Variants in PTCHD4 observed in about 807,000 individuals in gnomAD.
PTCHD4 encodes patched domain containing 4.
A neutral mutation model predicts 58.1 loss-of-function variants in PTCHD4; 33 were observed. The observed-to-expected ratio is 0.57, with a 90% CI of 0.43 to 0.76. PTCHD4 has a LOEUF of 0.76. Among genes scored for constraint, PTCHD4 ranks in the 30% least tolerant of loss-of-function variants. The probability of loss-of-function intolerance (pLI) is 0.00; values close to 1 mark genes in which losing one functional copy is unlikely to be tolerated. For missense variants in PTCHD4, 1,058 were observed against 1,027.1 expected (o/e 1.03, Z -0.41); for synonymous variants, 478 against 409.6 (o/e 1.17, Z -2.02).
chr6:47,999,786 T>A (rs1768650264), intron 4 of PTCHD4, among the ~76,000 whole-genome samples: 1 of 152,170 alleles, frequency 6.6e-6, no homozygotes, highest in East Asian at 1.9e-4. Context: ...TAGTCACAGA[T>A]AATTAGAACA....
Position 47,879,155 on chromosome 6 carries a change from G to A in PTCHD4, c.1680C>T (p.Val560=). Residue 560 remains valine (V), a synonymous_variant, in exon 5 of 5, where the codon GTC becomes GTT. Transcript: ENST00000339488. The part of the protein sequence containing the change: ...QYYQFLKVSN[V]SANNKSDFIS... The stretch of plus-strand genomic sequence containing the variant: ...TGAAGTCACTTTTGTTATTGGCACT[G>A]ACGTTGCTGACTTTCAGGAACTGGT... The A allele has an allele frequency of 1.2e-6, 2 of 1,611,880 alleles. 1 individual carries two copies. The highest frequency in any genetic ancestry group is 2.2e-5 in the South Asian group (2 of 91,046).
At chr6:48,105,528 C>CA (rs1765699808) in intron 1 of PTCHD4, among the ~76,000 whole-genome samples, 1 of 152,088 alleles carries the variant, frequency 6.6e-6, no homozygotes, top group East Asian at 1.9e-4. Flanking sequence ...CCTAACATCA[C>CA]AATTAAAAGA....
At chr6:47,896,196 TG>T (rs1200919705) in intron 4 of PTCHD4, among the ~76,000 whole-genome samples, 1 of 152,226 alleles carries the variant, frequency 6.6e-6, no homozygotes, top group Non-Finnish European at 1.5e-5. Flanking sequence ...TTTTCTGTAC[TG>T]TAGTGGGTAG....
chr6:48,074,029 G>A (rs548113634), intron 1 of PTCHD4, among the ~76,000 whole-genome samples: 1 of 152,008 alleles, frequency 6.6e-6, no homozygotes, highest in Non-Finnish European at 1.5e-5. Context: ...TTCTGCCACT[G>A]CCATCTCAAG....
intron 3 of PTCHD4, among the ~76,000 whole-genome samples, chr6:48,018,892 T>A (rs183069931): frequency 2.0e-5 from 3 of 152,224 alleles, no homozygotes; most frequent in Non-Finnish European, 2.9e-5. Flanking sequence ...CTATGTATAA[T>A]GTCCCCCTTC....
intron 4 of PTCHD4, among the ~76,000 whole-genome samples, chr6:47,932,741 G>C (rs1043823563): frequency 2.0e-5 from 3 of 152,206 alleles, no homozygotes; most frequent in African/African-American, 7.2e-5. Context: ...CAGTGTGAGG[G>C]TCAGGAGCAC....
intron 4 of PTCHD4, among the ~76,000 whole-genome samples, chr6:48,004,435 G>A (rs989364175): frequency 7.9e-5 from 12 of 152,098 alleles, no homozygotes; most frequent in African/African-American, 2.9e-4. Flanking sequence ...AGCCAGCTTG[G>A]CATCTGTGTG....
chr6:47,936,193 G>T (rs1765993853), intron 4 of PTCHD4, among the ~76,000 whole-genome samples: 1 of 152,154 alleles, frequency 6.6e-6, no homozygotes, highest in Admixed American at 6.6e-5. Flanking sequence ...GAAAGAAGAT[G>T]GTGGCTTGGA....
At chr6:48,110,694 A>G (rs937529866) in intron 1 of PTCHD4, among the ~76,000 whole-genome samples, 10 of 150,696 alleles carry the variant, frequency 6.6e-5, no homozygotes, top group Non-Finnish European at 5.9e-5. Context: ...AGTGATAGAT[A>G]TTAATAGGTA....
At chr6:48,109,912 T>A (rs1765828516) in intron 1 of PTCHD4, among the ~76,000 whole-genome samples, 1 of 152,064 alleles carries the variant, frequency 6.6e-6, no homozygotes, top group African/African-American at 2.4e-5. Flanking sequence ...TGGCTATTAT[T>A]TTAAAAATAA....
At chr6:48,002,643 A>G (rs1350034786) in intron 4 of PTCHD4, among the ~76,000 whole-genome samples, 1 of 152,006 alleles carries the variant, frequency 6.6e-6, no homozygotes, top group Non-Finnish European at 1.5e-5. Context: ...TAGCATTAGG[A>G]GATATACCTA....
At chr6:48,027,366 C>T (rs1409956648) in intron 3 of PTCHD4, among the ~76,000 whole-genome samples, 1 of 152,030 alleles carries the variant, frequency 6.6e-6, no homozygotes, top group African/African-American at 2.4e-5. Context: ...GAAAACACTA[C>T]ATCTTTTAAA....
At chr6:48,005,995 T>G (rs1343234215) in intron 4 of PTCHD4, among the ~76,000 whole-genome samples, 1 of 152,152 alleles carries the variant, frequency 6.6e-6, no homozygotes, top group African/African-American at 2.4e-5. Context: ...ACAATCATTT[T>G]AAAAATAAAA....
At chr6:48,087,270 T>A (rs191033727) in intron 1 of PTCHD4, among the ~76,000 whole-genome samples, 10 of 152,328 alleles carry the variant, frequency 6.6e-5, no homozygotes, top group African/African-American at 2.4e-4. Context: ...TTCTGATCTA[T>A]CCAGTATCTT....
chr6:48,099,039 G>C (rs1765538292), intron 1 of PTCHD4, among the ~76,000 whole-genome samples: 1 of 152,038 alleles, frequency 6.6e-6, no homozygotes, highest in African/African-American at 2.4e-5. Flanking sequence ...TAACATTTCA[G>C]CTATTTTTGT....
At chr6:47,989,488 G>C (rs909206527) in intron 4 of PTCHD4, among the ~76,000 whole-genome samples, 1 of 152,192 alleles carries the variant, frequency 6.6e-6, no homozygotes, top group Non-Finnish European at 1.5e-5. Context: ...TGGTTTCGTG[G>C]ATGGAGTCCA....
intron 1 of PTCHD4, among the ~76,000 whole-genome samples, chr6:48,110,196 T>G (rs192611554): frequency 2.4e-4 from 36 of 152,318 alleles, no homozygotes; most frequent in Admixed American, 1.2e-3. Flanking sequence ...AGCCAAAACA[T>G]AGAATCAACT....
At chr6:47,886,402 G>C (rs1047350759) in intron 4 of PTCHD4, among the ~76,000 whole-genome samples, 3 of 151,924 alleles carry the variant, frequency 2.0e-5, no homozygotes, top group Non-Finnish European at 4.4e-5. Context: ...AAGACATACT[G>C]GTGGGTTTTC....
intron 3 of PTCHD4, among the ~76,000 whole-genome samples, chr6:48,017,919 C>T (rs1307067455): frequency 6.6e-6 from 1 of 152,114 alleles, no homozygotes; most frequent in East Asian, 1.9e-4. Context: ...TCAACACTGA[C>T]AAGATGTGCA....
Sources: gnomAD v4.1 joint callset for allele counts (sites outside exome capture counted in the v4.1 genomes callset) on GRCh38, gnomAD v4.1.1 for gene constraint, MANE v1.5 for transcripts, NCBI Gene and HGNC (gene_info 2026-07-23, HGNC 2026-07-21) for gene names.